SLC38A11: variants seen among roughly 807,000 people sequenced by gnomAD.
The protein encoded by SLC38A11 is solute carrier family 38 member 11.
A neutral mutation model predicts 49.4 loss-of-function variants in SLC38A11; 51 were observed. That is an observed-to-expected ratio of 1.03 (90% CI 0.83 to 1.30). SLC38A11 has a LOEUF of 1.30. Among genes scored for constraint, SLC38A11 ranks in the 50% most tolerant of loss-of-function variants. SLC38A11 has a pLI of 0.00. For missense variants in SLC38A11, 574 were observed against 556.2 expected (o/e 1.03, Z -0.32); for synonymous variants, 203 against 192.9 (o/e 1.05, Z -0.43).
At chr2:164,900,366 G>A (rs745570218) in intron 11 of SLC38A11, among the ~76,000 whole-genome samples, 33 of 151,830 alleles carry the variant, frequency 2.2e-4, no homozygotes, top group Non-Finnish European at 4.3e-4. Context: ...ATTTCTTTAG[G>A]AACCTCCATT....
At chr2:164,939,777 T>A (rs191631786) in intron 5 of SLC38A11, among the ~76,000 whole-genome samples, 3 of 152,186 alleles carry the variant, frequency 2.0e-5, no homozygotes, top group Admixed American at 2.0e-4. Context: ...CTTGAAATGA[T>A]GTTATAATAT....
chr2:164,955,222 A>T lies in SLC38A11; in HGVS notation c.26T>A (p.Val9Asp), dbSNP rs770969197. ...CGCTAGTTTTACCTGCGGCGGGATGACAGGCTCCTGCCTCTGGTAGCCCAT... is the reference window on the plus strand; with the variant it reads ...CGCTAGTTTTACCTGCGGCGGGATGTCAGGCTCCTGCCTCTGGTAGCCCAT... MGYQRQEP[V>D]IPPQRDLDDR... The change falls in exon 1 of 12, where the codon GTC becomes GAC. Residue 9 changes from valine (V) to aspartate (D), a missense_variant. Physicochemically the swap from Val to Asp is radical, Grantham distance 152. Transcript: ENST00000685975. 2 of 1,550,548 alleles carry T rather than the reference A, an allele frequency of 1.3e-6. No homozygotes were observed. Among genetic ancestry groups the T allele is most frequent in the South Asian group, 1.2e-5 (1 of 84,066 alleles).
intron 7 of SLC38A11, among the ~76,000 whole-genome samples, chr2:164,918,082 G>GAA (rs1264603913): frequency 7.2e-6 from 1 of 139,810 alleles, no homozygotes; most frequent in South Asian, 2.2e-4. Flanking sequence ...AGTTGTACAG[G>GAA]AAAAAAAAAA....
At chr2:164,937,725 T>G (rs1457873385) in intron 6 of SLC38A11, 1 of 206,210 alleles carries the variant, frequency 4.8e-6, no homozygotes, top group East Asian at 1.1e-4. Context: ...AATACAAAAC[T>G]GGTGATTTTA....
chr2:164,950,045 A>G (rs888689954), intron 3 of SLC38A11: 1 of 152,230 alleles, frequency 6.6e-6, no homozygotes, highest in Admixed American at 6.5e-5. Flanking sequence ...TGCTGGAAGC[A>G]GGAAAACTGA....
At chr2:164,898,851 T>A in intron 11 of SLC38A11, 121 bp from the exon 12 acceptor site, 1 of 895,316 alleles carries the variant, frequency 1.1e-6, no homozygotes. Context: ...ATAGGTTCAG[T>A]TGAATCAAAC....
chr2:164,916,321 C>A (rs1217060755), intron 7 of SLC38A11, among the ~76,000 whole-genome samples: 2 of 152,046 alleles, frequency 1.3e-5, no homozygotes, highest in Non-Finnish European at 2.9e-5. Flanking sequence ...GAGGGAGATA[C>A]AAAAATTAAC....
chr2:164,939,177 T>G (rs534976209), intron 6 of SLC38A11, among the ~76,000 whole-genome samples: 2 of 152,270 alleles, frequency 1.3e-5, no homozygotes, highest in Admixed American at 1.3e-4. Flanking sequence ...AATATAGTTC[T>G]TTATATTTTC....
intron 3 of SLC38A11, among the ~76,000 whole-genome samples, chr2:164,950,720 T>C (rs1688463423): frequency 6.6e-6 from 1 of 152,166 alleles, no homozygotes; most frequent in Non-Finnish European, 1.5e-5. Context: ...TTTTTATAAT[T>C]CTTTTTGTTC....
intron 6 of SLC38A11, among the ~76,000 whole-genome samples, chr2:164,938,982 A>C (rs190188228): frequency 1.1e-4 from 17 of 152,254 alleles, no homozygotes; most frequent in African/African-American, 3.8e-4. Flanking sequence ...ATTCTCAAAA[A>C]TTGACCAATC....
chr2:164,901,849 C>T (rs1457305851), intron 11 of SLC38A11, among the ~76,000 whole-genome samples: 1 of 151,922 alleles, frequency 6.6e-6, no homozygotes, highest in African/African-American at 2.4e-5. Flanking sequence ...AGGAGAAAAG[C>T]CTTCAGTTGT....
Position 164,895,227 on chromosome 2 carries a change from C to T in SLC38A11, c.*3210G>A, listed in dbSNP as rs1396865185. ...GTCACAGCATCTCTGGTCCACTCTA[C>T]ATATTTGCTCTGCTATCTTGGCAAA... is the stretch of plus-strand genomic sequence containing the variant. On this transcript the variant is annotated 3_prime_UTR_variant, in exon 12 of 12. Transcript: ENST00000685975. 6.6e-6 allele frequency among the ~76,000 whole-genome samples: 1 copy of T among 152,208 alleles called. No homozygotes were observed. Among genetic ancestry groups the T allele is most frequent in the Non-Finnish European group, 1.5e-5 (1 of 68,038 alleles).
At chr2:164,930,706 C>T (rs533990631) in intron 7 of SLC38A11, among the ~76,000 whole-genome samples, 41 of 152,128 alleles carry the variant, frequency 2.7e-4, no homozygotes, top group African/African-American at 7.0e-4. Context: ...AATTCAACAC[C>T]GCTTCACGTT....
rs1479701259 is a variant in SLC38A11 at position 164,895,440 on chromosome 2, C to T, written c.*2997G>A. 1.3e-5 allele frequency among the ~76,000 whole-genome samples: 2 copies of T among 152,168 alleles called. No individual in the cohort carries two copies. The highest frequency in any genetic ancestry group is 2.4e-5 in the African/African-American group (1 of 41,448). ...ACATTTGCTCCAATCAATAGCCACACCTAATTAAAAGACAGACTATTATTC... is the reference window on the plus strand; with the variant it reads ...ACATTTGCTCCAATCAATAGCCACATCTAATTAAAAGACAGACTATTATTC... On this transcript the variant is annotated 3_prime_UTR_variant, in exon 12 of 12. Coordinates refer to ENST00000685975, the MANE Select transcript of SLC38A11 (RefSeq NM_001351537.2).
At position 164,908,762 on chromosome 2, in the gene SLC38A11, T is replaced by A. The variant is rs1159281959; in HGVS notation, c.973A>T (p.Asn325Tyr). The change falls in exon 11 of 12, where the codon AAT becomes TAT. Residue 325 changes from asparagine (N) to tyrosine (Y), a missense_variant. By Grantham distance (143) the Asn-to-Tyr change is moderately radical. Coordinates refer to ENST00000685975, the MANE Select transcript of SLC38A11 (RefSeq NM_001351537.2). ...GAAAGATTCCCACCAAAAAACACATTGGCAATTACCTGCCGAATAAACAGA... is the reference window on the plus strand; with the variant it reads ...GAAAGATTCCCACCAAAAAACACATAGGCAATTACCTGCCGAATAAACAGA... ...ECFVTREVIA[N>Y]VFFGGNLSSV... 1 of 1,609,546 alleles carries A rather than the reference T, an allele frequency of 6.2e-7. No individual in the cohort carries two copies. Among genetic ancestry groups the A allele is most frequent in the East Asian group, 2.2e-5 (1 of 44,704 alleles).
rs759296033 is a variant in SLC38A11, at chr2:164,939,444, A to T, written c.537+6T>A. The stretch of plus-strand genomic sequence containing the variant: ...TTTCTATGCCCATTTAAAATGTAAA[A>T]ATTACCTTTCCAAGCTTTGCTATAT... On this transcript the variant is annotated splice_donor_region_variant and intron_variant, in intron 6 of 11. Coordinates refer to ENST00000685975, the MANE Select transcript of SLC38A11 (RefSeq NM_001351537.2). 2.3e-5 allele frequency: 36 copies of T among 1,590,106 alleles called. No homozygotes were observed. Among genetic ancestry groups the T allele is most frequent in the Non-Finnish European group, 3.1e-5 (36 of 1,163,118 alleles).
chr2:164,898,634 A>G lies in SLC38A11; in HGVS notation c.1192T>C (p.Ser398Pro). ...GCACCAATGGGAAGCATGACACAAGACATAATCTTATCGGAGTGTGTCCTT... is the reference window on the plus strand; with the variant it reads ...GCACCAATGGGAAGCATGACACAAGGCATAATCTTATCGGAGTGTGTCCTT... ...EPRTHSDKIMSCVMLPIGAVV... is the reference protein window; with the variant it reads ...EPRTHSDKIMPCVMLPIGAVV... Residue 398 changes from serine to proline, a missense_variant, in exon 12 of 12, where the codon TCT becomes CCT. Coordinates refer to ENST00000685975, the MANE Select transcript of SLC38A11 (RefSeq NM_001351537.2). 1 of 1,613,594 alleles carries G rather than the reference A, an allele frequency of 6.2e-7. No homozygotes were observed. Among genetic ancestry groups the G allele is most frequent in the Non-Finnish European group, 8.5e-7 (1 of 1,179,710 alleles).
chr2:164,901,450 T>C (rs1684646750), intron 11 of SLC38A11, among the ~76,000 whole-genome samples: 1 of 152,168 alleles, frequency 6.6e-6, no homozygotes, highest in Non-Finnish European at 1.5e-5. Flanking sequence ...AGCAAGATTT[T>C]ATAGTTTTCA....
intron 9 of SLC38A11, among the ~76,000 whole-genome samples, chr2:164,914,484 C>T (rs1383663773): frequency 1.3e-5 from 2 of 151,830 alleles, no homozygotes; most frequent in Non-Finnish European, 2.9e-5. Context: ...TGAGTAGAAA[C>T]GTCCTACAGG....
Sources: allele counts gnomAD v4.1 joint callset (sites outside exome capture counted in the v4.1 genomes callset), GRCh38; gene constraint gnomAD v4.1.1; transcripts MANE v1.5; gene names NCBI Gene and HGNC (gene_info 2026-07-23, HGNC 2026-07-21).